The following SPCS2 variants were observed in gnomAD, a reference collection of about 807,000 sequenced individuals.
SPCS2 encodes signal peptidase complex subunit 2.
In SPCS2, 3 loss-of-function variants were observed where a neutral mutation model predicts 22.3. The observed-to-expected ratio is 0.13, with a 90% CI of 0.06 to 0.35. SPCS2 has a LOEUF of 0.35. Among genes scored for constraint, SPCS2 ranks in the 10% least tolerant of loss-of-function variants. The pLI, the probability that SPCS2 is intolerant of heterozygous loss-of-function variation, is 1.00. For synonymous variants in SPCS2, 67 were observed against 97.2 expected, an observed-to-expected ratio of 0.69 and a Z score of 1.83; for missense variants, 169 against 280.9, an observed-to-expected ratio of 0.60 and a Z score of 2.85.
chr11:74,976,866 C>G lies in SPCS2; in HGVS notation c.504C>G (p.Asp168Glu), dbSNP rs1200623400. The G allele has an allele frequency of 1.2e-6, 2 of 1,613,532 alleles. No homozygotes were observed. The highest frequency in any genetic ancestry group is 1.7e-6 in the Non-Finnish European group (2 of 1,179,638). ...TTGCCCCCATGCTTAGGTTTGATGA[C>G]AAATACACCTTGAAGCTGACCTTCA... Reference protein sequence around the residue: ...QLSSSLKRFDDKYTLKLTFIS... With the variant: ...QLSSSLKRFDEKYTLKLTFIS... Residue 168 changes from aspartate (D) to glutamate (E), a missense_variant, in exon 5 of 5, where the codon GAC becomes GAG. Transcript: ENST00000263672.
rs151318108 is a variant in SPCS2, at chr11:74,977,991, T to C, written c.*948T>C. The C allele has an allele frequency of 9.8e-5, 15 of 152,344 alleles. No homozygotes were observed. The highest frequency in any genetic ancestry group is 2.0e-4 in the Admixed American group (3 of 15,300). The allele number at this position is 152,344 out of a possible 1,614,324, so 9.4% of individuals were successfully genotyped here. ...AATCCTAAGAGGCAGGTGCTGTTAT[T>C]ATCCCCATTTTACACATGAGGAAAC... On this transcript the variant is annotated 3_prime_UTR_variant, in exon 5 of 5. Coordinates refer to ENST00000263672, the MANE Select transcript of SPCS2 (RefSeq NM_014752.3).
At position 74,976,915 on chromosome 11, in the gene SPCS2, C is replaced by T. The variant is rs1948617257; in HGVS notation, c.553C>T (p.Arg185Trp). 9 of 1,613,446 alleles carry T rather than the reference C, an allele frequency of 5.6e-6. No individual in the cohort carries two copies. Among genetic ancestry groups the T allele is most frequent in the African/African-American group, 1.3e-5 (1 of 74,948 alleles). Residue 185 changes from arginine to tryptophan, a missense_variant, in exon 5 of 5, where the codon CGG becomes TGG. By Grantham distance (101) the Arg-to-Trp change is moderately radical. Transcript: ENST00000263672. ...TFISGRTKQQ[R>W]EAEFTKSIAK... ...CATCAGTGGGAGAACAAAGCAGCAG[C>T]GGGAAGCCGAGTTCACAAAGTCCAT...
intron 1 of SPCS2, 109 bp downstream of exon 1, chr11:74,949,508 C>A: frequency 1.0e-6 from 1 of 987,922 alleles, no homozygotes; most frequent in Non-Finnish European, 1.6e-6. Flanking sequence ...TTGAGGGGAG[C>A]CCTTGTGTGA....
At chr11:74,976,499 C>A (rs925101060) in intron 4 of SPCS2, among the ~76,000 whole-genome samples, 2 of 152,200 alleles carry the variant, frequency 1.3e-5, no homozygotes, top group African/African-American at 4.8e-5. Flanking sequence ...CAAATAAGAA[C>A]TTCTCAGGTG....
rs185849911 is a variant in SPCS2, at chr11:74,974,689, G to A, written c.495-2168G>A. On this transcript the variant is annotated intron_variant, in intron 4 of 4. Transcript: ENST00000263672. ...GAGTGCAGTGGCGCGATCTCGGCTCGCTGCAAGCTCCGCCTCCTGGGTTCA... is the reference window on the plus strand; with the variant it reads ...GAGTGCAGTGGCGCGATCTCGGCTCACTGCAAGCTCCGCCTCCTGGGTTCA... Among the ~76,000 whole-genome samples, 802 of 152,048 alleles carry A rather than the reference G, an allele frequency of 5.3e-3. 7 individuals are homozygous for A. Among genetic ancestry groups the A allele is most frequent in the African/African-American group, 0.018 (762 of 41,462 alleles).
chr11:74,953,312 T>A (rs1392642469), intron 1 of SPCS2, among the ~76,000 whole-genome samples: 1 of 151,798 alleles, frequency 6.6e-6, no homozygotes, highest in Non-Finnish European at 1.5e-5. Flanking sequence ...CCTGCCTCAG[T>A]CTCCCGAGTA....
chr11:74,959,104 G>C (rs1434393312), intron 1 of SPCS2, among the ~76,000 whole-genome samples: 1 of 152,102 alleles, frequency 6.6e-6, no homozygotes, highest in East Asian at 1.9e-4. Context: ...ATAAAGGAGA[G>C]AAAAAGTTTA....
At chr11:74,949,914 C>T (rs527640774) in intron 1 of SPCS2, among the ~76,000 whole-genome samples, 132 of 152,284 alleles carry the variant, frequency 8.7e-4, no homozygotes, top group Non-Finnish European at 1.6e-3. Context: ...GACTGTTCTA[C>T]TGGGCTGACA....
chr11:74,975,526 C>T (rs1318744959), intron 4 of SPCS2, among the ~76,000 whole-genome samples: 2 of 152,192 alleles, frequency 1.3e-5, no homozygotes, highest in African/African-American at 4.8e-5. Flanking sequence ...TATCAGGTCA[C>T]AACTCATCAG....
chr11:74,949,732 A>G, intron 1 of SPCS2: 1 of 449,300 alleles, frequency 2.2e-6, no homozygotes, highest in Admixed American at 2.4e-5. Flanking sequence ...TGCCCATTTC[A>G]CAGACACGGA....
intron 1 of SPCS2, among the ~76,000 whole-genome samples, chr11:74,960,650 G>A (rs1948508682): frequency 6.6e-6 from 1 of 152,062 alleles, no homozygotes. Flanking sequence ...CACTTCATGG[G>A]AAAGCAGTGT....
At position 74,955,814 on chromosome 11, in the gene SPCS2, T is replaced by C. The variant is rs1326632145; in HGVS notation, c.114+6415T>C. Reference sequence around the variant, plus strand: ...TGTAACACAGTGGTATCACAGACACTGATTACTTTAATACTATTACTTTAA... The same window carrying C: ...TGTAACACAGTGGTATCACAGACACCGATTACTTTAATACTATTACTTTAA... On this transcript the variant is annotated intron_variant, in intron 1 of 4. Transcript: ENST00000263672. 5.8e-5 allele frequency among the ~76,000 whole-genome samples: 8 copies of C among 138,214 alleles called. No individual in the cohort carries two copies. The East Asian group carries it at 1.8e-3, about 31-fold the overall frequency. 90.7% of individuals were successfully genotyped at this position (138,214 alleles called of 152,430 possible).
At chr11:74,964,568 C>A (rs944328149) in intron 1 of SPCS2, among the ~76,000 whole-genome samples, 2 of 152,158 alleles carry the variant, frequency 1.3e-5, no homozygotes, top group Non-Finnish European at 2.9e-5. Context: ...TCTGTAAATT[C>A]ATGTATCTGT....
chr11:74,960,659 G>A (rs970715334), intron 1 of SPCS2, among the ~76,000 whole-genome samples: 2 of 152,146 alleles, frequency 1.3e-5, no homozygotes, highest in Non-Finnish European at 2.9e-5. Flanking sequence ...GGAAAGCAGT[G>A]TAGAATAATG....
chr11:74,950,409 A>G (rs893312149), intron 1 of SPCS2, among the ~76,000 whole-genome samples: 1 of 152,236 alleles, frequency 6.6e-6, no homozygotes, highest in Admixed American at 6.5e-5. Flanking sequence ...ATTTTTGAAT[A>G]TAATTGAAAA....
chr11:74,973,760 C>T (rs1042093276), intron 4 of SPCS2, among the ~76,000 whole-genome samples: 3 of 152,090 alleles, frequency 2.0e-5, no homozygotes, highest in African/African-American at 7.2e-5. Flanking sequence ...TCTTTACTCT[C>T]GGTTTTTTGT....
chr11:74,968,463 G>A lies in SPCS2; in HGVS notation c.360-1102G>A, dbSNP rs975068969. On this transcript the variant is annotated intron_variant, in intron 3 of 4. Coordinates refer to ENST00000263672, the MANE Select transcript of SPCS2 (RefSeq NM_014752.3). Reference sequence around the variant, plus strand: ...CAGCCACACAAGTAGCTGGGATTACGGGCCTGCACCACTACATCCAGCTAA... The same window carrying A: ...CAGCCACACAAGTAGCTGGGATTACAGGCCTGCACCACTACATCCAGCTAA... Among the ~76,000 whole-genome samples, 11 of 151,616 alleles carry A rather than the reference G, an allele frequency of 7.3e-5. No individual in the cohort carries two copies. In the South Asian group the frequency reaches 1.7e-3, roughly 23 times the overall value.
At chr11:74,959,967 A>G (rs766341401) in intron 1 of SPCS2, among the ~76,000 whole-genome samples, 1 of 152,208 alleles carries the variant, frequency 6.6e-6, no homozygotes, top group African/African-American at 2.4e-5. Context: ...GATTCTTCAT[A>G]ATGTTCTATT....
chr11:74,959,429 A>G (rs116019388), intron 1 of SPCS2, among the ~76,000 whole-genome samples: 3,142 of 152,198 alleles, frequency 0.021, 124 homozygotes, highest in African/African-American at 0.071. Flanking sequence ...TTCTCACTCT[A>G]TTGTCCAGGC....
Sources: allele counts gnomAD v4.1 joint callset (sites outside exome capture counted in the v4.1 genomes callset), GRCh38; gene constraint gnomAD v4.1.1; transcripts MANE v1.5; gene names NCBI Gene and HGNC (gene_info 2026-07-23, HGNC 2026-07-21).